The following ZBTB3 variants were observed in gnomAD, a reference collection of about 807,000 sequenced individuals.
ZBTB3 encodes zinc finger and BTB domain containing 3, also known as zinc finger and BTB domain-containing protein 3.
In ZBTB3, 15 loss-of-function variants were observed where a neutral mutation model predicts 30.6. That is an observed-to-expected ratio of 0.49 (90% CI 0.33 to 0.75). The LOEUF is 0.75. Among genes scored for constraint, ZBTB3 ranks in the 30% least tolerant of loss-of-function variants. The pLI is 0.02. For synonymous variants in ZBTB3, 258 were observed against 261.7 expected (o/e 0.99, Z 0.14); for missense variants, 599 against 652.1 (o/e 0.92, Z 0.89).
chr11:62,754,109 G>C lies in ZBTB3; in HGVS notation c.-197C>G, dbSNP rs200557283. ...CTAAGGACTACCAGGGTGGGAACTAGCGGAGAAAGCTGATACCTCACCCAC... is the reference window on the plus strand; with the variant it reads ...CTAAGGACTACCAGGGTGGGAACTACCGGAGAAAGCTGATACCTCACCCAC... On this transcript the variant is annotated 5_prime_UTR_variant, in exon 1 of 2. Coordinates refer to ENST00000394807, the MANE Select transcript of ZBTB3 (RefSeq NM_001370809.1). 2.2e-5 allele frequency: 35 copies of C among 1,588,096 alleles called. No individual in the cohort carries two copies. In the East Asian group the frequency reaches 6.7e-4, roughly 30 times the overall value.
Position 62,752,204 on chromosome 11 carries a change from C to A in ZBTB3, c.1461G>T (p.Val487=), listed in dbSNP as rs1309362081. Residue 487 remains valine, a synonymous_variant, in exon 2 of 2, where the codon GTG becomes GTT. Transcript: ENST00000394807. ...LAKRSKPDPE[V]GPLLGVQPLP... ...GAGGCTGCACCCCTAGAAGGGGTCCCACTTCTGGATCTGGTTTGCTGCGTT... is the reference window on the plus strand; with the variant it reads ...GAGGCTGCACCCCTAGAAGGGGTCCAACTTCTGGATCTGGTTTGCTGCGTT... The A allele has an allele frequency of 1.9e-6, 3 of 1,614,148 alleles. No homozygotes were observed. The East Asian group carries it at 6.7e-5, about 36-fold the overall frequency.
At position 62,754,112 on chromosome 11, in the gene ZBTB3, GAGAAAGCTGATACCTC is replaced by G; in HGVS notation, c.-216_-201del. On this transcript the variant is annotated 5_prime_UTR_variant, in exon 1 of 2. Transcript: ENST00000394807. ...AGGACTACCAGGGTGGGAACTAGCG[GAGAAAGCTGATACCTC>G]ACCCACCACCGAGCAGCCACAGGGC... 1 of 1,580,086 alleles carries G rather than the reference GAGAAAGCTGATACCTC, an allele frequency of 6.3e-7. No individual in the cohort carries two copies. The highest frequency in any genetic ancestry group is 8.7e-7 in the Non-Finnish European group (1 of 1,149,332).
At position 62,751,989 on chromosome 11, in the gene ZBTB3, G is replaced by A. The variant is rs919204237; in HGVS notation, c.*101C>T. ...GGTAGGAACTTTCAGCCTGGGCAGA[G>A]CCTTTATTCTTGTCACCCAGCAGGG... On this transcript the variant is annotated 3_prime_UTR_variant, in exon 2 of 2. Transcript: ENST00000394807. The A allele has an allele frequency of 8.4e-7, 1 of 1,189,524 alleles. No homozygotes were observed. The highest frequency in any genetic ancestry group is 1.2e-6 in the Non-Finnish European group (1 of 855,126). 73.7% of individuals were successfully genotyped at this position (1,189,524 alleles called of 1,614,324 possible). A position where few individuals can be genotyped will look rare whatever the true frequency, so the allele number is the denominator to read the frequency against.
At position 62,754,089 on chromosome 11, in the gene ZBTB3, G is replaced by A; in HGVS notation, c.-177C>T. 1 of 1,609,784 alleles carries A rather than the reference G, an allele frequency of 6.2e-7. No individual in the cohort carries two copies. The highest frequency in any genetic ancestry group is 8.5e-7 in the Non-Finnish European group (1 of 1,176,116). On this transcript the variant is annotated 5_prime_UTR_variant, in exon 1 of 2. Coordinates refer to ENST00000394807, the MANE Select transcript of ZBTB3 (RefSeq NM_001370809.1). ...TCCCTCACGCATTCCAGGGGCTAAG[G>A]ACTACCAGGGTGGGAACTAGCGGAG... is the stretch of plus-strand genomic sequence containing the variant.
Position 62,752,251 on chromosome 11 carries a change from C to A in ZBTB3, c.1414G>T (p.Ala472Ser). Residue 472 changes from alanine to serine, a missense_variant, in exon 2 of 2, where the codon GCT (alanine) becomes TCT (serine). Transcript: ENST00000394807. ...SGDLYRHIRK[A>S]HNEDLAKRSK... is the part of the protein sequence containing the mutation. The stretch of plus-strand genomic sequence containing the variant: ...CGTTTGGCCAGGTCCTCATTGTGAG[C>A]CTTGCGGATGTGGCGGTAGAGGTCC... The A allele has an allele frequency of 6.2e-7, 1 of 1,614,186 alleles. No individual in the cohort carries two copies. Among genetic ancestry groups the A allele is most frequent in the Non-Finnish European group, 8.5e-7 (1 of 1,180,036 alleles).
chr11:62,754,082 G>A lies in ZBTB3; in HGVS notation c.-170C>T, dbSNP rs1310946725. 2.5e-6 allele frequency: 4 copies of A among 1,611,968 alleles called. No individual in the cohort carries two copies. In the African/African-American group the frequency reaches 4.0e-5, roughly 16 times the overall value. On this transcript the variant is annotated 5_prime_UTR_variant, in exon 1 of 2. Coordinates refer to ENST00000394807, the MANE Select transcript of ZBTB3 (RefSeq NM_001370809.1). Reference sequence around the variant, plus strand: ...AAGCATCTCCCTCACGCATTCCAGGGGCTAAGGACTACCAGGGTGGGAACT... The same window carrying A: ...AAGCATCTCCCTCACGCATTCCAGGAGCTAAGGACTACCAGGGTGGGAACT...
At chr11:62,753,874 C>T (rs542970220) in intron 1 of ZBTB3, 90 bp downstream of exon 1, 1 of 1,578,466 alleles carries the variant, frequency 6.3e-7, no homozygotes, top group Admixed American at 1.8e-5. Context: ...CCACCTCGGC[C>T]TAACCTTAGA....
chr11:62,753,646 T>C lies in ZBTB3; in HGVS notation c.19A>G (p.Ser7Gly), dbSNP rs754473707. ...CGGAGGCTCTGCAGCAGCTGCTGAC[T>C]GTGTTCTGGGAACTCCATAGTACCC... MEFPEH[S>G]QQLLQSLREQ... The change falls in exon 2 of 2, where the codon AGT becomes GGT. Residue 7 changes from serine to glycine, a missense_variant. Transcript: ENST00000394807. The C allele has an allele frequency of 3.7e-6, 6 of 1,613,504 alleles. 1 individual carries two copies. The South Asian group carries it at 6.6e-5, about 18-fold the overall frequency.
chr11:62,752,482 C>G lies in ZBTB3; in HGVS notation c.1183G>C (p.Ala395Pro), dbSNP rs942974658. ...AGGTAAAGTGGCTCATGCAGGGATG[C>G]GGGTGCAGGCAGAGGTGAGGTCACC... The part of the protein sequence containing the change: ...GLVTSPLPAP[A>P]SLHEPLYLSS... Residue 395 changes from alanine (A) to proline (P), a missense_variant, in exon 2 of 2, where the codon GCA (alanine) becomes CCA (proline). Ala to Pro is a conservative substitution (Grantham distance 27). Coordinates refer to ENST00000394807, the MANE Select transcript of ZBTB3 (RefSeq NM_001370809.1). 1 of 1,614,178 alleles carries G rather than the reference C, an allele frequency of 6.2e-7. No individual in the cohort carries two copies. Among genetic ancestry groups the G allele is most frequent in the African/African-American group, 1.3e-5 (1 of 75,050 alleles).
chr11:62,754,149 A>T lies in ZBTB3; in HGVS notation c.-237T>A. The T allele has an allele frequency of 7.5e-7, 1 of 1,338,664 alleles. No individual in the cohort carries two copies. Among genetic ancestry groups the T allele is most frequent in the Non-Finnish European group, 1.1e-6 (1 of 933,448 alleles). The allele number at this position is 1,338,664 out of a possible 1,614,324, so 82.9% of individuals were successfully genotyped here. A position where few individuals can be genotyped will look rare whatever the true frequency, so the allele number is the denominator to read the frequency against. On this transcript the variant is annotated 5_prime_UTR_variant, in exon 1 of 2. Coordinates refer to ENST00000394807, the MANE Select transcript of ZBTB3 (RefSeq NM_001370809.1). The stretch of plus-strand genomic sequence containing the variant: ...ACCTCACCCACCACCGAGCAGCCAC[A>T]GGGCGAGCTCCGCCCCTTCCCACCT...
rs1381312942 is a variant in ZBTB3 at position 62,753,266 on chromosome 11, C to T, written c.399G>A (p.Glu133=). 1 of 1,614,048 alleles carries T rather than the reference C, an allele frequency of 6.2e-7. No individual in the cohort carries two copies. The highest frequency in any genetic ancestry group is 1.3e-5 in the African/African-American group (1 of 74,920). ...TAGGAAGCTGTGAGTTGGTTTCCTCCTCCTTCTTGGTACTGTCTGCCTCTG... is the reference window on the plus strand; with the variant it reads ...TAGGAAGCTGTGAGTTGGTTTCCTCTTCCTTCTTGGTACTGTCTGCCTCTG... ...ALAEADSTKK[E]EETNSQLPSL... The change falls in exon 2 of 2, where the codon GAG becomes GAA. Residue 133 remains glutamate (E), a synonymous_variant. Coordinates refer to ENST00000394807, the MANE Select transcript of ZBTB3 (RefSeq NM_001370809.1).
chr11:62,752,789 C>G lies in ZBTB3; in HGVS notation c.876G>C (p.Gln292His), dbSNP rs151167288. 1.2e-5 allele frequency: 19 copies of G among 1,614,098 alleles called. No homozygotes were observed. The African/African-American group carries it at 2.1e-4, about 18-fold the overall frequency. Residue 292 changes from glutamine (Q) to histidine (H), a missense_variant, in exon 2 of 2, where the codon CAG becomes CAC. Gln to His is a conservative substitution (Grantham distance 24, BLOSUM62 0). Coordinates refer to ENST00000394807, the MANE Select transcript of ZBTB3 (RefSeq NM_001370809.1). ...GCTCAGCTTCAGCTGGGGCTGGAGC[C>G]TGGGATGGAACTGGAGCTGAGACAG... is the stretch of plus-strand genomic sequence containing the variant. ...PAPVSAPVPS[Q>H]APAPAEAELV...
Position 62,753,247 on chromosome 11 carries a change from G to A in ZBTB3, c.418C>T (p.Leu140Phe), listed in dbSNP as rs2084033496. 1.2e-6 allele frequency: 2 copies of A among 1,614,068 alleles called. No individual in the cohort carries two copies. Among genetic ancestry groups the A allele is most frequent in the Non-Finnish European group, 1.7e-6 (2 of 1,180,056 alleles). The change falls in exon 2 of 2, where the codon CTT becomes TTT. Residue 140 changes from leucine to phenylalanine, a missense_variant. Leu to Phe is a conservative substitution (Grantham distance 22). Coordinates refer to ENST00000394807, the MANE Select transcript of ZBTB3 (RefSeq NM_001370809.1). ...TKKEEETNSQ[L>F]PSLEFLSSTS... Reference sequence around the variant, plus strand: ...CTAGACAAAAACTCCAAACTAGGAAGCTGTGAGTTGGTTTCCTCCTCCTTC... The same window carrying A: ...CTAGACAAAAACTCCAAACTAGGAAACTGTGAGTTGGTTTCCTCCTCCTTC...
rs1292045317 is a variant in ZBTB3 at position 62,751,897 on chromosome 11, T to C, written c.*193A>G. ...TTGCAGTGAGCCGAGATCGCGCCACTGCACTCCAGTCTGGGTGACAGAGTG... is the reference window on the plus strand; with the variant it reads ...TTGCAGTGAGCCGAGATCGCGCCACCGCACTCCAGTCTGGGTGACAGAGTG... On this transcript the variant is annotated 3_prime_UTR_variant, in exon 2 of 2. Coordinates refer to ENST00000394807, the MANE Select transcript of ZBTB3 (RefSeq NM_001370809.1). 5 of 503,172 alleles carry C rather than the reference T, an allele frequency of 9.9e-6. No homozygotes were observed. The highest frequency in any genetic ancestry group is 1.7e-5 in the Non-Finnish European group (5 of 297,052). The allele number at this position is 503,172 out of a possible 1,614,324, so 31.2% of individuals were successfully genotyped here. A position where few individuals can be genotyped will look rare whatever the true frequency, so the allele number is the denominator to read the frequency against.
In ZBTB3 at chr11:62,754,022, G is replaced by A; in HGVS notation, c.-110C>T. On this transcript the variant is annotated 5_prime_UTR_variant, in exon 1 of 2. Coordinates refer to ENST00000394807, the MANE Select transcript of ZBTB3 (RefSeq NM_001370809.1). ...TCTTTTTCGCTCCCAGGCCTTGCCAGGCGATGCCTCTACGCCCCACTTCGA... is the reference window on the plus strand; with the variant it reads ...TCTTTTTCGCTCCCAGGCCTTGCCAAGCGATGCCTCTACGCCCCACTTCGA... The A allele has an allele frequency of 6.2e-7, 1 of 1,614,038 alleles. No homozygotes were observed. The highest frequency in any genetic ancestry group is 8.5e-7 in the Non-Finnish European group (1 of 1,180,042).
rs955576848 is a variant in ZBTB3 at position 62,752,630 on chromosome 11, C to T, written c.1035G>A (p.Glu345=). 2 of 1,614,106 alleles carry T rather than the reference C, an allele frequency of 1.2e-6. No homozygotes were observed. The highest frequency in any genetic ancestry group is 2.7e-5 in the African/African-American group (2 of 74,934). The change falls in exon 2 of 2, where the codon GAG becomes GAA. Residue 345 remains glutamate, a synonymous_variant. Transcript: ENST00000394807. ...CTGCTGCCCCTGGGTCTTCAAAAGC[C>T]TCTGGCTGGGAGGGCTGTGCCCCAT... ...AVYGAQPSQP[E]AFEDPGAAGL...
intron 1 of ZBTB3, 114 bp from the exon 2 acceptor site, chr11:62,753,829 C>T: frequency 6.5e-7 from 1 of 1,529,718 alleles, no homozygotes; most frequent in Non-Finnish European, 8.8e-7. Flanking sequence ...CTTCTTTCTC[C>T]TAGGTCACAC....
intron 1 of ZBTB3, 51 bp downstream of exon 1, chr11:62,753,913 T>G: frequency 7.0e-7 from 1 of 1,420,434 alleles, no homozygotes; most frequent in Non-Finnish European, 9.7e-7. Context: ...CGATAAGCCC[T>G]GCCCCCGGAA....
rs1357220677 is a variant in ZBTB3, at chr11:62,753,299, C to G, written c.366G>C (p.Arg122=). The G allele has an allele frequency of 1.2e-6, 2 of 1,614,006 alleles. No individual in the cohort carries two copies. The highest frequency in any genetic ancestry group is 1.7e-6 in the Non-Finnish European group (2 of 1,180,046). The change falls in exon 2 of 2, where the codon CGG becomes CGC. Residue 122 remains arginine, a synonymous_variant. Coordinates refer to ENST00000394807, the MANE Select transcript of ZBTB3 (RefSeq NM_001370809.1). Reference sequence around the variant, plus strand: ...TGGTACTGTCTGCCTCTGCCAGGGCCCGGGCTTGAAGCCGCCGCTTACACA... The same window carrying G: ...TGGTACTGTCTGCCTCTGCCAGGGCGCGGGCTTGAAGCCGCCGCTTACACA... ...VKVCKRRLQA[R]ALAEADSTKK... is the part of the protein sequence containing the mutation.
Sources: allele counts gnomAD v4.1 joint callset, GRCh38; gene constraint gnomAD v4.1.1; transcripts MANE v1.5; gene names NCBI Gene and HGNC (gene_info 2026-07-23, HGNC 2026-07-21).